RASAL2: variants seen among roughly 807,000 people sequenced by gnomAD.
RASAL2 encodes ras GTPase-activating protein nGAP.
RASAL2 carries 58 observed loss-of-function variants against 128.9 expected under a neutral mutation model. That is an observed-to-expected ratio of 0.45 (90% confidence interval 0.36 to 0.56). The LOEUF (loss-of-function observed/expected upper bound fraction) is 0.56, where lower values mean the gene tolerates loss of function less well. Among genes scored for constraint, RASAL2 ranks in the 20% least tolerant of loss-of-function variants. RASAL2 has a pLI of 0.00. For synonymous variants in RASAL2, 561 were observed against 580.8 expected (o/e 0.97, Z 0.49); for missense variants, 1,360 against 1,601.6 (o/e 0.85, Z 2.57).
intron 1 of RASAL2, among the ~76,000 whole-genome samples, chr1:178,188,792 G>C (rs1411843224): frequency 6.6e-6 from 1 of 152,114 alleles, no homozygotes; most frequent in Non-Finnish European, 1.5e-5. Context: ...ATTATTTACA[G>C]ATATCTGTAT....
chr1:178,403,974 C>T (rs1673816330), intron 4 of RASAL2, among the ~76,000 whole-genome samples: 3 of 152,052 alleles, frequency 2.0e-5, no homozygotes, highest in Admixed American at 2.0e-4. Flanking sequence ...CGCCTCTAAC[C>T]CCATCATTTT....
At chr1:178,237,669 G>A (rs1035552165) in intron 1 of RASAL2, among the ~76,000 whole-genome samples, 3 of 152,054 alleles carry the variant, frequency 2.0e-5, no homozygotes, top group African/African-American at 2.4e-5. Context: ...CTTACATAAC[G>A]TATTTCATCT....
intron 5 of RASAL2, among the ~76,000 whole-genome samples, chr1:178,438,450 T>C (rs189001561): frequency 2.4e-4 from 36 of 152,104 alleles, no homozygotes; most frequent in African/African-American, 8.4e-4. Context: ...GCTTGAAATA[T>C]ATGTGTGTAA....
chr1:178,408,103 G>C (rs1299768064), intron 4 of RASAL2, among the ~76,000 whole-genome samples: 1 of 152,110 alleles, frequency 6.6e-6, no homozygotes, highest in African/African-American at 2.4e-5. Context: ...TGTATCAATT[G>C]CTATGACAAT....
In RASAL2 at chr1:178,168,404, C is replaced by CT. The variant is rs569963393; in HGVS notation, c.202+73719dup. 5.8e-4 allele frequency among the ~76,000 whole-genome samples: 88 copies of CT among 150,930 alleles called. 3 individuals carry two copies. In the South Asian group the frequency reaches 0.014, roughly 24 times the overall value. ...TATCAGAAATATTACTACTATAAAT[C>CT]TTTTTTTTTCCGTTTTATACCTTTA... On this transcript the variant is annotated intron_variant, in intron 1 of 17. Transcript: ENST00000367649.
At chr1:178,406,291 A>G (rs965273808) in intron 4 of RASAL2, among the ~76,000 whole-genome samples, 11 of 152,244 alleles carry the variant, frequency 7.2e-5, no homozygotes, top group African/African-American at 2.7e-4. Context: ...AACAGCATGC[A>G]TAAATTTCAA....
intron 1 of RASAL2, among the ~76,000 whole-genome samples, chr1:178,243,874 A>C (rs894698315): frequency 2.6e-5 from 4 of 152,186 alleles, no homozygotes; most frequent in African/African-American, 9.7e-5. Context: ...AGTCTACACC[A>C]TCTTGTCTGG....
At chr1:178,099,953 C>CT (rs1276336679) in intron 1 of RASAL2, among the ~76,000 whole-genome samples, 1 of 151,426 alleles carries the variant, frequency 6.6e-6, no homozygotes, top group Non-Finnish European at 1.5e-5. Flanking sequence ...CAGAGTGAGA[C>CT]TATCTCAAAA....
chr1:178,198,710 G>A (rs1662760318), intron 1 of RASAL2, among the ~76,000 whole-genome samples: 1 of 152,162 alleles, frequency 6.6e-6, no homozygotes, highest in Non-Finnish European at 1.5e-5. Context: ...GGGGCACCTG[G>A]TTGTATGAGG....
chr1:178,389,725 A>T (rs971813067), intron 3 of RASAL2, among the ~76,000 whole-genome samples: 2 of 152,216 alleles, frequency 1.3e-5, no homozygotes, highest in Non-Finnish European at 2.9e-5. Flanking sequence ...TTTTGTTCAG[A>T]AGAATATTAG....
chr1:178,206,792 G>A (rs894738275), intron 1 of RASAL2, among the ~76,000 whole-genome samples: 8 of 152,000 alleles, frequency 5.3e-5, no homozygotes, highest in African/African-American at 1.9e-4. Context: ...GAAAAACTTG[G>A]AGTAACCTTT....
chr1:178,223,467 T>C (rs538591587), intron 1 of RASAL2, among the ~76,000 whole-genome samples: 1 of 152,000 alleles, frequency 6.6e-6, no homozygotes, highest in Non-Finnish European at 1.5e-5. Flanking sequence ...AGCCCTGTGG[T>C]GGGAAGGAGA....
At chr1:178,217,884 A>G (rs1434186959) in intron 1 of RASAL2, among the ~76,000 whole-genome samples, 1 of 152,190 alleles carries the variant, frequency 6.6e-6, no homozygotes, top group Non-Finnish European at 1.5e-5. Context: ...AGTATGCAGT[A>G]CTGTTTGATA....
At chr1:178,461,002 T>TG (rs1380480206) in intron 14 of RASAL2, among the ~76,000 whole-genome samples, 4 of 151,736 alleles carry the variant, frequency 2.6e-5, no homozygotes, top group Non-Finnish European at 4.4e-5. Context: ...TTAGTAGAGG[T>TG]GGGGTTTCAT....
At chr1:178,223,418 A>G (rs766680204) in intron 1 of RASAL2, among the ~76,000 whole-genome samples, 93 of 152,192 alleles carry the variant, frequency 6.1e-4, no homozygotes, top group Non-Finnish European at 1.1e-3. Flanking sequence ...TGGAAGGAAG[A>G]TCGTATACCA....
chr1:178,195,085 A>G (rs963052915), intron 1 of RASAL2, among the ~76,000 whole-genome samples: 1 of 152,220 alleles, frequency 6.6e-6, no homozygotes, highest in African/African-American at 2.4e-5. Flanking sequence ...GCACAGATAA[A>G]CATACACAGT....
At chr1:178,225,178 A>G (rs1352583058) in intron 1 of RASAL2, among the ~76,000 whole-genome samples, 1 of 151,988 alleles carries the variant, frequency 6.6e-6, no homozygotes, top group Admixed American at 6.5e-5. Context: ...TCTCTGTTCT[A>G]TAATTATGAT....
At chr1:178,160,102 A>T (rs1415297683) in intron 1 of RASAL2, among the ~76,000 whole-genome samples, 1 of 151,526 alleles carries the variant, frequency 6.6e-6, no homozygotes, top group East Asian at 1.9e-4. Context: ...CACAACGTGC[A>T]GGTTTGTTGC....
intron 15 of RASAL2, among the ~76,000 whole-genome samples, chr1:178,464,918 G>T (rs1331142897): frequency 8.1e-6 from 1 of 123,038 alleles, no homozygotes; most frequent in South Asian, 2.8e-4. Context: ...ATTATCTATT[G>T]TTTAGATTTT....
Sources: allele counts gnomAD v4.1 joint callset (sites outside exome capture counted in the v4.1 genomes callset), GRCh38; gene constraint gnomAD v4.1.1; transcripts MANE v1.5; gene names NCBI Gene and HGNC (gene_info 2026-07-23, HGNC 2026-07-21).